GRIN2B: variants seen among roughly 807,000 people sequenced by gnomAD.
GRIN2B encodes the protein glutamate receptor ionotropic, NMDA 2B.
A neutral mutation model predicts 114.5 loss-of-function variants in GRIN2B; 5 were observed. The observed-to-expected ratio is 0.04, with a 90% CI of 0.02 to 0.09. GRIN2B has a LOEUF of 0.09. GRIN2B is among the 10% of genes least tolerant of loss of function. The pLI is 1.00. For synonymous variants in GRIN2B, 787 were observed against 745.1 expected (o/e 1.06, Z -0.92); for missense variants, 1,108 against 1,943.5 (o/e 0.57, Z 8.08).
At chr12:13,594,435 A>C (rs1949047295) in intron 10 of GRIN2B, among the ~76,000 whole-genome samples, 1 of 151,996 alleles carries the variant, frequency 6.6e-6, no homozygotes, top group East Asian at 1.9e-4. Flanking sequence ...CAGAAAACCA[A>C]ATATCACATG....
At chr12:13,574,626 T>C (rs1948751094) in intron 10 of GRIN2B, among the ~76,000 whole-genome samples, 1 of 152,252 alleles carries the variant, frequency 6.6e-6, no homozygotes, top group South Asian at 2.1e-4. Flanking sequence ...GGGCCTCACT[T>C]CCTGATGAAG....
At chr12:13,810,318 C>T (rs1265991964) in intron 3 of GRIN2B, among the ~76,000 whole-genome samples, 4 of 151,648 alleles carry the variant, frequency 2.6e-5, no homozygotes, top group South Asian at 2.1e-4. Flanking sequence ...CAGGTTCAAG[C>T]GATTCTCATG....
At chr12:13,794,004 C>A (rs1188957902) in intron 3 of GRIN2B, among the ~76,000 whole-genome samples, 10 of 137,308 alleles carry the variant, frequency 7.3e-5, no homozygotes, top group East Asian at 4.2e-4. Context: ...GAGTTAGAGA[C>A]CAGCCTGGGC....
chr12:13,833,986 C>T (rs1865201256), intron 3 of GRIN2B, among the ~76,000 whole-genome samples: 1 of 146,884 alleles, frequency 6.8e-6, no homozygotes, highest in Admixed American at 6.9e-5. Flanking sequence ...AGAAAAGGTG[C>T]AAGGTGAAAA....
intron 2 of GRIN2B, among the ~76,000 whole-genome samples, chr12:13,978,911 C>A (rs768772422): frequency 1.1e-4 from 17 of 152,182 alleles, no homozygotes; most frequent in Non-Finnish European, 2.2e-4. Flanking sequence ...AAAATACTGC[C>A]TAATCACATT....
intron 2 of GRIN2B, among the ~76,000 whole-genome samples, chr12:13,881,697 G>T (rs1591600803): frequency 6.6e-6 from 1 of 152,090 alleles, no homozygotes; most frequent in Non-Finnish European, 1.5e-5. Context: ...TTCATCACCC[G>T]ATGCAATATC....
chr12:13,765,054 G>A (rs1413332314), intron 3 of GRIN2B, among the ~76,000 whole-genome samples: 3 of 152,132 alleles, frequency 2.0e-5, no homozygotes, highest in Non-Finnish European at 2.9e-5. Context: ...GGCTCACATC[G>A]GCCAACTGTG....
chr12:13,681,358 A>C (rs148726006), intron 4 of GRIN2B, among the ~76,000 whole-genome samples: 251 of 152,260 alleles, frequency 1.6e-3, no homozygotes, highest in Non-Finnish European at 2.9e-3. Flanking sequence ...CCTAACCCCT[A>C]GTCCGGTGTT....
At chr12:13,724,865 A>C (rs999889896) in intron 4 of GRIN2B, among the ~76,000 whole-genome samples, 6 of 152,066 alleles carry the variant, frequency 3.9e-5, no homozygotes, top group Non-Finnish European at 7.4e-5. Context: ...AAGCTAAATA[A>C]TCCTGGGACT....
chr12:13,751,611 C>T (rs566541735), intron 4 of GRIN2B, among the ~76,000 whole-genome samples: 1 of 152,074 alleles, frequency 6.6e-6, no homozygotes, highest in South Asian at 2.1e-4. Flanking sequence ...CATTGACAGG[C>T]AGTGCAGATT....
intron 4 of GRIN2B, among the ~76,000 whole-genome samples, chr12:13,728,377 G>T (rs2300258): frequency 0.8 from 122,332 of 152,064 alleles, 49,454 homozygotes; most frequent in Admixed American, 0.86. Flanking sequence ...GTTTAGTAGT[G>T]CTTTAATATT....
intron 2 of GRIN2B, among the ~76,000 whole-genome samples, chr12:13,928,480 G>T (rs904646794): frequency 1.3e-5 from 2 of 152,092 alleles, no homozygotes; most frequent in African/African-American, 4.8e-5. Context: ...GTTCTGTGAT[G>T]AAATCAGATT....
chr12:13,953,542 T>C (rs558412940), intron 2 of GRIN2B, among the ~76,000 whole-genome samples: 2 of 152,310 alleles, frequency 1.3e-5, no homozygotes, highest in Non-Finnish European at 2.9e-5. Context: ...AAGCCTCCCG[T>C]GCCAAATAGA....
At chr12:13,703,999 CTA>C (rs1165136575) in intron 4 of GRIN2B, among the ~76,000 whole-genome samples, 1 of 152,138 alleles carries the variant, frequency 6.6e-6, no homozygotes, top group East Asian at 1.9e-4. Flanking sequence ...TAGGATAAGG[CTA>C]TGGCTGCAAG....
intron 5 of GRIN2B, among the ~76,000 whole-genome samples, chr12:13,652,158 CCTACCTCAGACTTTAGCACTTTGCTAACT>C (rs1949820076): frequency 1.3e-5 from 2 of 151,830 alleles, no homozygotes; most frequent in South Asian, 4.2e-4. Flanking sequence ...TTTTCCTCCT[CCTACCTCAGACTTTAGCACTTTGCTAACT>C]CTTCATTACT....
At chr12:13,747,929 T>C (rs529083745) in intron 4 of GRIN2B, among the ~76,000 whole-genome samples, 1 of 152,330 alleles carries the variant, frequency 6.6e-6, no homozygotes, top group East Asian at 1.9e-4. Context: ...GAGGATCCCA[T>C]GAGAACAATC....
chr12:13,784,765 T>C (rs1864193068), intron 3 of GRIN2B, among the ~76,000 whole-genome samples: 1 of 152,220 alleles, frequency 6.6e-6, no homozygotes, highest in Non-Finnish European at 1.5e-5. Context: ...AGAGCCCAGC[T>C]GTCCCAACTG....
At chr12:13,831,167 G>A (rs1015962117) in intron 3 of GRIN2B, among the ~76,000 whole-genome samples, 1 of 152,186 alleles carries the variant, frequency 6.6e-6, no homozygotes, top group Admixed American at 6.5e-5. Context: ...TTCAGAGGAA[G>A]CAGCATGAAG....
chr12:13,824,148 A>G (rs1016992063), intron 3 of GRIN2B, among the ~76,000 whole-genome samples: 2 of 152,186 alleles, frequency 1.3e-5, no homozygotes, highest in South Asian at 4.1e-4. Context: ...ATAAGGAGTT[A>G]GAAAATGTTC....
Sources: gnomAD v4.1 joint callset for allele counts (sites outside exome capture counted in the v4.1 genomes callset) on GRCh38, gnomAD v4.1.1 for gene constraint, MANE v1.5 for transcripts, NCBI Gene and HGNC (gene_info 2026-07-23, HGNC 2026-07-21) for gene names.